The following PPIE variants were observed in gnomAD, a reference collection of about 807,000 sequenced individuals.
PPIE encodes the protein peptidyl-prolyl cis-trans isomerase E.
PPIE carries 20 observed loss-of-function variants against 38.4 expected under a neutral mutation model. That is an observed-to-expected ratio of 0.52 (90% CI 0.37 to 0.76). PPIE has a LOEUF of 0.76. Among genes scored for constraint, PPIE ranks in the 30% least tolerant of loss-of-function variants. PPIE has a pLI of 0.00. For synonymous variants in PPIE, 142 were observed against 135.7 expected, an observed-to-expected ratio of 1.05 and a Z score of -0.32; for missense variants, 322 against 385.8, an observed-to-expected ratio of 0.83 and a Z score of 1.39.
Position 39,755,648 on chromosome 1 carries a change from A to G in PPIE, c.*2293A>G, listed in dbSNP as rs911198292. 1 of 985,260 alleles carries G rather than the reference A, an allele frequency of 1.0e-6. No homozygotes were observed. The highest frequency in any genetic ancestry group is 6.2e-5 in the Admixed American group (1 of 16,260). The allele number at this position is 985,260 out of a possible 1,614,324, so 61.0% of individuals were successfully genotyped here. On this transcript the variant is annotated 3_prime_UTR_variant, in exon 10 of 10. Transcript: ENST00000324379. Reference sequence around the variant, plus strand: ...AGAAAAAGCACAGCCAGCCTCCCATAAAAGGACAGACTCCTGTGACAACCT... The same window carrying G: ...AGAAAAAGCACAGCCAGCCTCCCATGAAAGGACAGACTCCTGTGACAACCT...
At chr1:39,748,673 T>G in intron 7 of PPIE, 1 of 489,236 alleles carries the variant, frequency 2.0e-6, no homozygotes. Context: ...AGGTGGAAGT[T>G]GCAGTGAACT....
Position 39,755,927 on chromosome 1 carries a change from A to G in PPIE, c.*2572A>G, listed in dbSNP as rs1403479682. 17 of 985,300 alleles carry G rather than the reference A, an allele frequency of 1.7e-5. No homozygotes were observed. Among genetic ancestry groups the G allele is most frequent in the Middle Eastern group, 5.2e-4 (1 of 1,936 alleles). 61.0% of individuals were successfully genotyped at this position (985,300 alleles called of 1,614,324 possible). Reference sequence around the variant, plus strand: ...CCCAGCCTGTCTCTCTTCAGTAGTAATGGAGTCCTGGGAGGTTTACTAGGC... The same window carrying G: ...CCCAGCCTGTCTCTCTTCAGTAGTAGTGGAGTCCTGGGAGGTTTACTAGGC... On this transcript the variant is annotated 3_prime_UTR_variant, in exon 10 of 10. Coordinates refer to ENST00000324379, the MANE Select transcript of PPIE (RefSeq NM_006112.4).
intron 1 of PPIE, 31 bp downstream of exon 1, chr1:39,738,962 G>C (rs1270710476): frequency 7.0e-7 from 1 of 1,436,802 alleles, no homozygotes; most frequent in Non-Finnish European, 9.2e-7. Flanking sequence ...GGCGGAGTCT[G>C]AGTGAACGCG....
intron 5 of PPIE, 27 bp downstream of exon 5, chr1:39,743,324 C>T (rs1169696672): frequency 1.2e-6 from 2 of 1,600,508 alleles, no homozygotes; most frequent in Non-Finnish European, 1.7e-6. Context: ...TCCAGATTCC[C>T]TGTGATGTTC....
chr1:39,760,271 A>G (rs1648755594), downstream of PPIE: 5 of 1,295,828 alleles, frequency 3.9e-6, no homozygotes, highest in Non-Finnish European at 5.2e-6. Context: ...GGAGCCTGGC[A>G]TGAAGGAGAA....
At chr1:39,760,546 G>C, downstream of PPIE, 1 of 1,614,002 alleles carries the variant, frequency 6.2e-7, no homozygotes, top group Non-Finnish European at 8.5e-7. Context: ...CTTGGGGACT[G>C]CGTCTGGCAT....
rs185846184 is a variant in PPIE at position 39,743,431 on chromosome 1, T to C, written c.283+134T>C. The stretch of plus-strand genomic sequence containing the variant: ...AGATAGGAGTAGATGATGGTTCACA[T>C]TGGGAAGGGCATGCACCACCTTTTT... On this transcript the variant is annotated intron_variant, in intron 5 of 9. Transcript: ENST00000324379. 5.3e-5 allele frequency: 40 copies of C among 760,844 alleles called. No individual in the cohort carries two copies. The East Asian group carries it at 9.4e-4, about 18-fold the overall frequency. 47.1% of individuals were successfully genotyped at this position (760,844 alleles called of 1,614,324 possible).
In PPIE at chr1:39,753,539, C is replaced by T; in HGVS notation, c.*184C>T. 1 of 1,408,490 alleles carries T rather than the reference C, an allele frequency of 7.1e-7. No individual in the cohort carries two copies. The highest frequency in any genetic ancestry group is 1.6e-5 in the South Asian group (1 of 63,150). The allele number at this position is 1,408,490 out of a possible 1,614,324, so 87.2% of individuals were successfully genotyped here. ...AGGCACAGCCTGGACTATTCCCAGGCACAGCTGTGGGCCCAGGAGCCAGCT... is the reference window on the plus strand; with the variant it reads ...AGGCACAGCCTGGACTATTCCCAGGTACAGCTGTGGGCCCAGGAGCCAGCT... On this transcript the variant is annotated 3_prime_UTR_variant, in exon 10 of 10. Coordinates refer to ENST00000324379, the MANE Select transcript of PPIE (RefSeq NM_006112.4).
At chr1:39,743,745 C>A in intron 5 of PPIE, 79 bp from the exon 6 acceptor site, 2 of 1,160,742 alleles carry the variant, frequency 1.7e-6, no homozygotes, top group Non-Finnish European at 2.5e-6. Context: ...TAGCATCTTC[C>A]ACTTTGCTGA....
chr1:39,755,672 C>T lies in PPIE; in HGVS notation c.*2317C>T. ...TAAAAGGACAGACTCCTGTGACAAC[C>T]TTGTCACTCTGTTCCTCCCTGATAC... On this transcript the variant is annotated 3_prime_UTR_variant, in exon 10 of 10. Coordinates refer to ENST00000324379, the MANE Select transcript of PPIE (RefSeq NM_006112.4). 1 of 985,426 alleles carries T rather than the reference C, an allele frequency of 1.0e-6. No homozygotes were observed. Among genetic ancestry groups the T allele is most frequent in the Non-Finnish European group, 1.2e-6 (1 of 829,930 alleles). 61.0% of individuals were successfully genotyped at this position (985,426 alleles called of 1,614,324 possible). A position where few individuals can be genotyped will look rare whatever the true frequency, so the allele number is the denominator to read the frequency against.
chr1:39,751,281 A>G (rs1186855395), intron 8 of PPIE, among the ~76,000 whole-genome samples: 1 of 152,260 alleles, frequency 6.6e-6, no homozygotes, highest in Non-Finnish European at 1.5e-5. Context: ...TAATGGAATT[A>G]TGTTTTAGGT....
downstream of PPIE, chr1:39,760,714 G>A (rs533420575): frequency 1.5e-5 from 18 of 1,173,090 alleles, no homozygotes; most frequent in South Asian, 2.4e-4. Context: ...ACTATTAACA[G>A]GAATAAGAGC....
intron 2 of PPIE, among the ~76,000 whole-genome samples, chr1:39,740,709 G>A (rs1212490092): frequency 2.0e-5 from 3 of 152,224 alleles, no homozygotes; most frequent in Non-Finnish European, 4.4e-5. Context: ...CCATCGATTG[G>A]TATCACAACC....
downstream of PPIE, chr1:39,761,445 C>T (rs1648968208): frequency 6.6e-6 from 1 of 152,618 alleles, no homozygotes; most frequent in African/African-American, 2.4e-5. Flanking sequence ...CAATCCCAGC[C>T]TCCCCCAGCA....
At chr1:39,749,343 C>T (rs571561872) in intron 8 of PPIE, among the ~76,000 whole-genome samples, 2 of 152,138 alleles carry the variant, frequency 1.3e-5, no homozygotes, top group African/African-American at 4.8e-5. Flanking sequence ...CTGTTGCAGG[C>T]TCTTATGCTC....
rs1648290522 is a variant in PPIE at position 39,756,534 on chromosome 1, T to G, written c.*3179T>G. On this transcript the variant is annotated 3_prime_UTR_variant, in exon 10 of 10. Transcript: ENST00000324379. ...CAGGTGCTCCCAGCATCTGTTGCAG[T>G]CATGGCAGCCTCACGGCAACCTCTG... The G allele has an allele frequency of 1.0e-5, 10 of 985,384 alleles. No individual in the cohort carries two copies. Among genetic ancestry groups the G allele is most frequent in the Non-Finnish European group, 1.2e-5 (10 of 829,924 alleles). 61.0% of individuals were successfully genotyped at this position (985,384 alleles called of 1,614,324 possible).
intron 8 of PPIE, among the ~76,000 whole-genome samples, chr1:39,751,016 C>T (rs1267546015): frequency 6.6e-6 from 1 of 152,228 alleles, no homozygotes; most frequent in Non-Finnish European, 1.5e-5. Flanking sequence ...TGCTTAAGCA[C>T]AGCTGTGTCA....
In PPIE at chr1:39,753,487, A is replaced by C; in HGVS notation, c.*132A>C. The C allele has an allele frequency of 6.8e-7, 1 of 1,477,234 alleles. No individual in the cohort carries two copies. The allele number at this position is 1,477,234 out of a possible 1,614,324, so 91.5% of individuals were successfully genotyped here. A position where few individuals can be genotyped will look rare whatever the true frequency, so the allele number is the denominator to read the frequency against. The stretch of plus-strand genomic sequence containing the variant: ...GCATTTGGGATATGTGCCCTTCCTC[A>C]GGGTCTGCTTGGAGCAGCTCCTCTG... On this transcript the variant is annotated 3_prime_UTR_variant, in exon 10 of 10. Coordinates refer to ENST00000324379, the MANE Select transcript of PPIE (RefSeq NM_006112.4).
At position 39,763,463 on chromosome 1, in the gene PPIE, C is replaced by A. The variant is rs1360354005; in HGVS notation, c.838-226C>A. On this transcript the variant is annotated intron_variant, in intron 9 of 9. Coordinates refer to the PPIE transcript ENST00000356511. ...GCCAATGCAGGGAGGTCTCAGTTACCCTGCAGCAATGCTGACAGCTTAGTT... is the reference window on the plus strand; with the variant it reads ...GCCAATGCAGGGAGGTCTCAGTTACACTGCAGCAATGCTGACAGCTTAGTT... Among the ~76,000 whole-genome samples the A allele has an allele frequency of 2.8e-5, 4 of 142,836 alleles. 1 individual carries two copies. Among genetic ancestry groups the A allele is most frequent in the Non-Finnish European group, 4.7e-5 (3 of 64,498 alleles). 93.7% of individuals were successfully genotyped at this position (142,836 alleles called of 152,430 possible).
Sources: gnomAD v4.1 joint callset for allele counts (sites outside exome capture counted in the v4.1 genomes callset) on GRCh38, gnomAD v4.1.1 for gene constraint, MANE v1.5 for transcripts, NCBI Gene and HGNC (gene_info 2026-07-23, HGNC 2026-07-21) for gene names.